The following BRD10 variants were observed in gnomAD, a reference collection of about 807,000 sequenced individuals.
BRD10 encodes bromodomain containing 10.
chr9:5,882,798 G>C, the BRD10 span, among the ~76,000 whole-genome samples: 1 of 152,060 alleles, frequency 6.6e-6, no homozygotes, highest in African/African-American at 2.4e-5. Context: ...TGTATATGTG[G>C]CACATATACA....
chr9:5,897,660 A>C, the BRD10 span: 1 of 1,611,502 alleles, frequency 6.2e-7, no homozygotes, highest in East Asian at 2.2e-5. Flanking sequence ...GATGGTTGGT[A>C]AAGTTCCCAC....
At chr9:5,918,901 CTA>C in the BRD10 span, 1 of 151,860 alleles carries the variant, frequency 6.6e-6, no homozygotes, top group African/African-American at 2.4e-5. Context: ...TGTACAAGTG[CTA>C]GCTCTAATTC....
chr9:5,941,325 C>T, the BRD10 span, among the ~76,000 whole-genome samples: 1 of 152,034 alleles, frequency 6.6e-6, no homozygotes, highest in Non-Finnish European at 1.5e-5. Flanking sequence ...TATCTGCTAA[C>T]TAAAACCACA....
the BRD10 span, among the ~76,000 whole-genome samples, chr9:5,879,511 T>C: frequency 2.0e-5 from 3 of 152,170 alleles, no homozygotes; most frequent in Non-Finnish European, 2.9e-5. Context: ...AAAGGGCTGG[T>C]TGACCCATGA....
the BRD10 span, among the ~76,000 whole-genome samples, chr9:6,006,336 T>A: frequency 6.6e-6 from 1 of 152,216 alleles, no homozygotes; most frequent in Non-Finnish European, 1.5e-5. Flanking sequence ...TTCACTCTAA[T>A]AGTAAACAGT....
chr9:5,967,178 A>T, the BRD10 span, among the ~76,000 whole-genome samples: 2 of 152,206 alleles, frequency 1.3e-5, no homozygotes, highest in African/African-American at 2.4e-5. Flanking sequence ...ACCAGATTTT[A>T]ATGTTAATTC....
At chr9:5,944,428 T>C in the BRD10 span, among the ~76,000 whole-genome samples, 1 of 152,142 alleles carries the variant, frequency 6.6e-6, no homozygotes, top group South Asian at 2.1e-4. Flanking sequence ...TAAAAAGTCA[T>C]ATTGTTAAGT....
chr9:6,006,456 T>A, the BRD10 span, among the ~76,000 whole-genome samples: 1 of 152,242 alleles, frequency 6.6e-6, no homozygotes, highest in East Asian at 1.9e-4. Context: ...ATACAATTAT[T>A]ATAAAACAAT....
At chr9:6,002,992 C>T in the BRD10 span, among the ~76,000 whole-genome samples, 1 of 152,170 alleles carries the variant, frequency 6.6e-6, no homozygotes, top group Admixed American at 6.5e-5. Flanking sequence ...GCAAAGTATG[C>T]TGTACTCTTA....
At chr9:5,936,416 T>G in the BRD10 span, among the ~76,000 whole-genome samples, 39 of 152,142 alleles carry the variant, frequency 2.6e-4, no homozygotes, top group African/African-American at 9.2e-4. Flanking sequence ...GCCTTAAACA[T>G]CTCCTGTCCT....
At chr9:6,000,917 T>C in the BRD10 span, among the ~76,000 whole-genome samples, 1 of 152,194 alleles carries the variant, frequency 6.6e-6, no homozygotes, top group African/African-American at 2.4e-5. Context: ...TCATTTACTC[T>C]ATTTCTTTAT....
chr9:6,004,334 C>T, the BRD10 span, among the ~76,000 whole-genome samples: 1 of 152,200 alleles, frequency 6.6e-6, no homozygotes, highest in Non-Finnish European at 1.5e-5. Context: ...CTTTTGATCT[C>T]AGGGACATGA....
chr9:5,984,245 A>G, the BRD10 span, among the ~76,000 whole-genome samples: 2 of 152,194 alleles, frequency 1.3e-5, no homozygotes, highest in Non-Finnish European at 2.9e-5. Context: ...TCTTTAAAAC[A>G]CAACTATTTA....
At chr9:5,919,484 G>A in the BRD10 span, 1 of 529,434 alleles carries the variant, frequency 1.9e-6, no homozygotes, top group East Asian at 3.2e-5. Context: ...AAATGGAACA[G>A]ATCTTTCCCT....
the BRD10 span, chr9:5,890,827 A>G: frequency 6.6e-6 from 1 of 152,184 alleles, no homozygotes; most frequent in Non-Finnish European, 1.5e-5. Context: ...ACCCGTGACT[A>G]TCATGGGACT....
At chr9:5,902,636 T>C in the BRD10 span, among the ~76,000 whole-genome samples, 1 of 151,830 alleles carries the variant, frequency 6.6e-6, no homozygotes, top group East Asian at 1.9e-4. Context: ...TAGCTAGGAT[T>C]ATAGCATGTG....
At chr9:5,955,051 G>A in the BRD10 span, among the ~76,000 whole-genome samples, 176 of 151,992 alleles carry the variant, frequency 1.2e-3, 1 homozygote, top group Middle Eastern at 0.01. Context: ...TCGCACCATT[G>A]TTCTCCAGCC....
At chr9:5,997,666 C>T in the BRD10 span, among the ~76,000 whole-genome samples, 11 of 152,092 alleles carry the variant, frequency 7.2e-5, no homozygotes, top group African/African-American at 2.4e-4. Flanking sequence ...GTTGATGTTG[C>T]GACAACTGGC....
At chr9:5,892,423 A>T in the BRD10 span, 3 of 1,561,898 alleles carry the variant, frequency 1.9e-6, no homozygotes, top group African/African-American at 4.1e-5. Context: ...GGATGCATTA[A>T]TGATGCCCAC....
Sources: gnomAD v4.1 joint callset for allele counts (sites outside exome capture counted in the v4.1 genomes callset) on GRCh38, gnomAD v4.1.1 for gene constraint, MANE v1.5 for transcripts, NCBI Gene and HGNC (gene_info 2026-07-23, HGNC 2026-07-21) for gene names.